The following TTC6 variants were observed in gnomAD, a reference collection of about 807,000 sequenced individuals.
TTC6 encodes the protein tetratricopeptide repeat domain 6, also known as tetratricopeptide repeat protein 6.
TTC6 carries 172 observed loss-of-function variants against 210.4 expected under a neutral mutation model. The ratio of observed to expected loss-of-function variants is 0.82; its 90% CI spans 0.72 to 0.93. The LOEUF is 0.93. Ranked by LOEUF, TTC6 falls within the 40% of genes least tolerant of loss-of-function variation. The probability of loss-of-function intolerance (pLI) is 0.00; values close to 1 mark genes in which losing one functional copy is unlikely to be tolerated. For synonymous variants in TTC6, 804 were observed against 819.6 expected (o/e 0.98, Z 0.32); for missense variants, 2,414 against 2,318.1 (o/e 1.04, Z -0.85).
chr14:37,654,270 T>A (rs1247696073), intron 1 of TTC6, among the ~76,000 whole-genome samples: 1 of 152,100 alleles, frequency 6.6e-6, no homozygotes, highest in Non-Finnish European at 1.5e-5. Flanking sequence ...AAGTGAGCAG[T>A]TTGTAACTCA....
At chr14:37,639,628 T>C (rs1344372528) in intron 1 of TTC6, among the ~76,000 whole-genome samples, 1 of 149,314 alleles carries the variant, frequency 6.7e-6, no homozygotes, top group Non-Finnish European at 1.5e-5. Flanking sequence ...CCCAGCACTT[T>C]GGGAGGCCGA....
chr14:37,715,091 C>T (rs1404475335), intron 6 of TTC6, among the ~76,000 whole-genome samples: 1 of 152,094 alleles, frequency 6.6e-6, no homozygotes, highest in Non-Finnish European at 1.5e-5. Flanking sequence ...ATCACTTGAG[C>T]CCAGGCAATT....
intron 1 of TTC6, among the ~76,000 whole-genome samples, chr14:37,599,925 G>T (rs1016211363): frequency 6.6e-6 from 1 of 152,136 alleles, no homozygotes; most frequent in South Asian, 2.1e-4. Context: ...TGTTCACACC[G>T]GTCAGCGCCT....
Position 37,598,965 on chromosome 14 carries a change from C to T in TTC6, c.-235+2957C>T, listed in dbSNP as rs548368076. On this transcript the variant is annotated intron_variant, in intron 1 of 2. Transcript: ENST00000556845. This position sits in a 1 kb window ranked among gnomAD's most constrained non-coding sequence, Gnocchi z 4.9. ...CACCCAGATAAGAAGCTTAAGTCCT[C>T]CTTCTGCAGGGGAGAATCGGATGCA... is the stretch of plus-strand genomic sequence containing the variant. 5.0e-5 allele frequency among the ~76,000 whole-genome samples: 7 copies of T among 139,956 alleles called. No homozygotes were observed. The East Asian group carries it at 1.5e-3, about 29-fold the overall frequency. 91.8% of individuals were successfully genotyped at this position (139,956 alleles called of 152,430 possible).
chr14:37,647,197 C>T (rs950425019), intron 1 of TTC6, among the ~76,000 whole-genome samples: 1 of 152,182 alleles, frequency 6.6e-6, no homozygotes, highest in Non-Finnish European at 1.5e-5. Context: ...GTGGATTTCA[C>T]TCTGAGTGAT....
intron 1 of TTC6, among the ~76,000 whole-genome samples, chr14:37,663,000 T>A (rs1036663223): frequency 6.6e-6 from 1 of 152,164 alleles, no homozygotes; most frequent in Non-Finnish European, 1.5e-5. Flanking sequence ...TTTAATGATA[T>A]TGATTTTTTT....
intron 14 of TTC6, among the ~76,000 whole-genome samples, chr14:37,774,988 A>T (rs2096032594): frequency 6.6e-6 from 1 of 152,020 alleles, no homozygotes; most frequent in Non-Finnish European, 1.5e-5. Context: ...CCAGGAATTT[A>T]TTCATTTCCT....
intron 1 of TTC6, among the ~76,000 whole-genome samples, chr14:37,602,330 A>G (rs1353283313): frequency 1.3e-5 from 2 of 152,242 alleles, no homozygotes; most frequent in Non-Finnish European, 2.9e-5. Context: ...CATAAGATAC[A>G]AAGTATTTTA....
At chr14:37,832,323 T>G in intron 29 of TTC6, among the ~76,000 whole-genome samples, 1 of 112,724 alleles carries the variant, frequency 8.9e-6, no homozygotes, top group African/African-American at 3.3e-5. Context: ...TTCTTTTTCT[T>G]TCTCTCTTTT....
chr14:37,727,607 CT>C (rs2095876226), intron 7 of TTC6, among the ~76,000 whole-genome samples: 3 of 151,812 alleles, frequency 2.0e-5, no homozygotes, highest in African/African-American at 7.3e-5. Context: ...ATTTCTTTTG[CT>C]GAAAACTTAA....
At chr14:37,664,031 T>G (rs2095742995) in intron 1 of TTC6, among the ~76,000 whole-genome samples, 1 of 143,456 alleles carries the variant, frequency 7.0e-6, no homozygotes, top group South Asian at 2.2e-4. Flanking sequence ...AAACATTTCT[T>G]GCTCATGGAT....
intron 8 of TTC6, among the ~76,000 whole-genome samples, chr14:37,736,987 G>C (rs999068985): frequency 2.0e-5 from 3 of 152,002 alleles, no homozygotes; most frequent in African/African-American, 7.3e-5. Context: ...AAAACTCCTA[G>C]GCTTAAGTGA....
intron 13 of TTC6, among the ~76,000 whole-genome samples, chr14:37,752,346 G>A (rs1350008076): frequency 6.6e-6 from 1 of 151,880 alleles, no homozygotes; most frequent in Non-Finnish European, 1.5e-5. Context: ...TTTTCTGCTT[G>A]AGGAGAATAT....
chr14:37,830,562 T>C (rs965778522), intron 29 of TTC6, among the ~76,000 whole-genome samples: 6 of 151,940 alleles, frequency 3.9e-5, no homozygotes, highest in African/African-American at 1.2e-4. Context: ...TAAATCTTTA[T>C]ACTGTTTCCT....
In TTC6 at chr14:37,667,780, A is replaced by G. The variant is rs955804852; in HGVS notation, c.940-12371A>G. ...CTTGGATCCTTACAGTGTCTTCACG[A>G]CCAACTTTCAGTTTTTACCTCCACT... On this transcript the variant is annotated intron_variant, in intron 1 of 30. Coordinates refer to ENST00000553443, the Ensembl canonical transcript of TTC6. Among the ~76,000 whole-genome samples the G allele has an allele frequency of 7.8e-4, 118 of 150,660 alleles. 10 individuals are homozygous for G. The highest frequency in any genetic ancestry group is 1.8e-4 in the Non-Finnish European group (12 of 67,154).
chr14:37,726,786 C>A (rs942844970), intron 7 of TTC6, among the ~76,000 whole-genome samples: 2 of 151,950 alleles, frequency 1.3e-5, no homozygotes, highest in Non-Finnish European at 2.9e-5. Context: ...TTCATATTTA[C>A]TATTTTTCTT....
At position 37,758,406 on chromosome 14, in the gene TTC6, T is replaced by C. The variant is rs868219613; in HGVS notation, c.3266+5171T>C. Among the ~76,000 whole-genome samples the C allele has an allele frequency of 3.9e-5, 6 of 152,252 alleles. No homozygotes were observed. In the South Asian group the frequency reaches 1.2e-3, roughly 32 times the overall value. On this transcript the variant is annotated intron_variant, in intron 14 of 30. Coordinates refer to ENST00000553443, the Ensembl canonical transcript of TTC6. ...CATATATATTTAGGATAGTTAGCTCTTCTTGTTGAAGTGATCACTTTACCA... is the reference window on the plus strand; with the variant it reads ...CATATATATTTAGGATAGTTAGCTCCTCTTGTTGAAGTGATCACTTTACCA...
exon 14 of TTC6, chr14:37,753,141 C>G (rs893498677): frequency 6.5e-7 from 1 of 1,534,828 alleles, no homozygotes; most frequent in Admixed American, 2.0e-5. Flanking sequence ...ATTATTGAAA[C>G]GTGGGCTGTT....
intron 12 of TTC6, among the ~76,000 whole-genome samples, 173 bp downstream of exon 14, chr14:37,750,016 T>C (rs1377349349): frequency 1.3e-5 from 2 of 152,194 alleles, no homozygotes; most frequent in Admixed American, 6.5e-5. Context: ...AATCCTATAG[T>C]GTTTTTAAAA....
Sources: allele counts gnomAD v4.1 joint callset (sites outside exome capture counted in the v4.1 genomes callset), GRCh38; gene constraint gnomAD v4.1.1; non-coding constraint Gnocchi (gnomAD v3.1); transcripts MANE v1.5; gene names NCBI Gene and HGNC (gene_info 2026-07-23, HGNC 2026-07-21).